HTR4: variants seen among roughly 807,000 people sequenced by gnomAD.
The protein encoded by HTR4 is 5-hydroxytryptamine (serotonin) receptor 4, G protein-coupled.
In HTR4, 16 loss-of-function variants were observed where a neutral mutation model predicts 36.8. The ratio of observed to expected loss-of-function variants is 0.43; its 90% CI spans 0.29 to 0.66. HTR4 has a LOEUF of 0.66. Among genes scored for constraint, HTR4 ranks in the 30% least tolerant of loss-of-function variants. HTR4 has a pLI of 0.13. For missense variants in HTR4, 438 were observed against 490.9 expected (o/e 0.89, Z 1.02); for synonymous variants, 189 against 185.1 (o/e 1.02, Z -0.17).
intron 2 of HTR4, among the ~76,000 whole-genome samples, chr5:148,617,923 A>G (rs577769171): frequency 1.6e-4 from 24 of 152,298 alleles, no homozygotes; most frequent in Non-Finnish European, 3.5e-4. Flanking sequence ...CTGAATGCAT[A>G]GTGGAAGTCA....
Position 148,570,929 on chromosome 5 carries a change from C to T in HTR4, c.27-20667G>A, listed in dbSNP as rs556662242. Among the ~76,000 whole-genome samples, 4 of 151,892 alleles carry T rather than the reference C, an allele frequency of 2.6e-5. No individual in the cohort carries two copies. In the South Asian group the frequency reaches 8.3e-4, roughly 32 times the overall value. On this transcript the variant is annotated intron_variant, in intron 2 of 6. Transcript: ENST00000377888. ...CGATACCAGTCAACCTATCTAGAAC[C>T]TAGTTATTGGTGGAAGTGGCACCAT...
chr5:148,457,166 C>CA (rs34878574), intron 5 of HTR4, among the ~76,000 whole-genome samples: 1 of 151,946 alleles, frequency 6.6e-6, no homozygotes, highest in African/African-American at 2.4e-5. Flanking sequence ...GTCAGAGTGG[C>CA]AAAAGTCTCC....
intron 2 of HTR4, among the ~76,000 whole-genome samples, chr5:148,632,927 C>T (rs2127301791): frequency 6.6e-6 from 1 of 152,074 alleles, no homozygotes; most frequent in East Asian, 1.9e-4. Context: ...GCTCATTCCC[C>T]AAATACAAGC....
chr5:148,455,489 A>G (rs1402044275), intron 5 of HTR4, among the ~76,000 whole-genome samples: 2 of 152,174 alleles, frequency 1.3e-5, no homozygotes, highest in Non-Finnish European at 2.9e-5. Context: ...CTAATGAGTC[A>G]CTTGTCAGGA....
intron 2 of HTR4, among the ~76,000 whole-genome samples, chr5:148,617,866 A>G (rs1308780368): frequency 2.0e-5 from 3 of 152,108 alleles, no homozygotes; most frequent in Non-Finnish European, 4.4e-5. Flanking sequence ...CTCAAGCAAA[A>G]GGCAAAGTAT....
At chr5:148,467,433 T>C (rs372149880) in intron 5 of HTR4, among the ~76,000 whole-genome samples, 1 of 152,174 alleles carries the variant, frequency 6.6e-6, no homozygotes, top group Non-Finnish European at 1.5e-5. Context: ...GTGTGCACCA[T>C]GTAGATAATA....
intron 2 of HTR4, among the ~76,000 whole-genome samples, chr5:148,559,477 A>T (rs549495551): frequency 6.6e-6 from 1 of 152,178 alleles, no homozygotes; most frequent in Admixed American, 6.6e-5. Context: ...ATCCATGAGT[A>T]TGTTGTTTTT....
chr5:148,595,650 G>A (rs1761737640), intron 2 of HTR4, among the ~76,000 whole-genome samples: 1 of 152,128 alleles, frequency 6.6e-6, no homozygotes, highest in African/African-American at 2.4e-5. Context: ...GGCCTGACAA[G>A]ATTGATACAT....
At chr5:148,651,790 A>T (rs1463224701) in intron 1 of HTR4, among the ~76,000 whole-genome samples, 1 of 152,168 alleles carries the variant, frequency 6.6e-6, no homozygotes, top group Non-Finnish European at 1.5e-5. Context: ...GATATGGAAG[A>T]CTGAATTTTC....
chr5:148,626,996 C>T (rs928837735), intron 2 of HTR4, among the ~76,000 whole-genome samples: 4 of 152,218 alleles, frequency 2.6e-5, no homozygotes, highest in Admixed American at 1.3e-4. Context: ...ACTTTAAAAA[C>T]ATCTTCCTCT....
At chr5:148,457,850 AAAT>A (rs1237062700) in intron 5 of HTR4, among the ~76,000 whole-genome samples, 6 of 141,146 alleles carry the variant, frequency 4.3e-5, no homozygotes, top group African/African-American at 1.5e-4. Context: ...TATATCATTA[AAAT>A]ATCATATATT....
chr5:148,603,897 C>T (rs1581532787), intron 2 of HTR4, among the ~76,000 whole-genome samples: 1 of 151,984 alleles, frequency 6.6e-6, no homozygotes, highest in South Asian at 2.1e-4. Context: ...GTAATCATCA[C>T]GGACTTAAGA....
chr5:148,622,438 C>A (rs779238809), intron 2 of HTR4, among the ~76,000 whole-genome samples: 1 of 152,170 alleles, frequency 6.6e-6, no homozygotes, highest in Non-Finnish European at 1.5e-5. Context: ...TCCCAACCTA[C>A]AAGAAACACT....
intron 2 of HTR4, among the ~76,000 whole-genome samples, chr5:148,611,791 T>G (rs1208478356): frequency 3.3e-5 from 5 of 151,346 alleles, no homozygotes; most frequent in African/African-American, 1.2e-4. Flanking sequence ...CCATCTCACG[T>G]GCAGAGACAC....
chr5:148,508,278 G>A (rs538184565), intron 6 of HTR4, among the ~76,000 whole-genome samples: 1 of 152,206 alleles, frequency 6.6e-6, no homozygotes, highest in Admixed American at 6.5e-5. Flanking sequence ...GCATCTCAGG[G>A]CAAAGAAAAA....
chr5:148,486,603 G>A (rs1243141602), intron 6 of HTR4, among the ~76,000 whole-genome samples: 1 of 152,216 alleles, frequency 6.6e-6, no homozygotes, highest in Admixed American at 6.5e-5. Context: ...ATGAGTAGCA[G>A]GGATGGTGGG....
intron 2 of HTR4, among the ~76,000 whole-genome samples, chr5:148,553,365 G>A (rs1759789506): frequency 6.6e-6 from 1 of 152,156 alleles, no homozygotes; most frequent in Admixed American, 6.5e-5. Flanking sequence ...TTTAAGCAGT[G>A]GTTCCCAGCC....
intron 4 of HTR4, among the ~76,000 whole-genome samples, chr5:148,526,730 T>C (rs1400090233): frequency 2.0e-5 from 3 of 152,088 alleles, no homozygotes; most frequent in Non-Finnish European, 4.4e-5. Flanking sequence ...TCCAGCAGCA[T>C]GGATGGAACT....
chr5:148,608,747 G>A (rs147559936), intron 2 of HTR4, among the ~76,000 whole-genome samples: 181 of 152,332 alleles, frequency 1.2e-3, no homozygotes, highest in African/African-American at 4.2e-3. Context: ...ATTTCTATTA[G>A]CCCCTTAGTG....
Sources: gnomAD v4.1 joint callset for allele counts (sites outside exome capture counted in the v4.1 genomes callset) on GRCh38, gnomAD v4.1.1 for gene constraint, MANE v1.5 for transcripts, NCBI Gene and HGNC (gene_info 2026-07-23, HGNC 2026-07-21) for gene names.